The following ERC2 variants were observed in gnomAD, a reference collection of about 807,000 sequenced individuals.
The protein encoded by ERC2 is ELKS/RAB6-interacting/CAST family member 2.
Under a neutral mutation model 114.8 loss-of-function variants are expected in ERC2, and 42 were observed. The ratio of observed to expected loss-of-function variants is 0.37; its 90% CI spans 0.29 to 0.47. The LOEUF is 0.47. Among genes scored for constraint, ERC2 ranks in the 20% least tolerant of loss-of-function variants. The probability of loss-of-function intolerance (pLI) is 0.99; values close to 1 mark genes in which losing one functional copy is unlikely to be tolerated. For synonymous variants in ERC2, 454 were observed against 425.5 expected (o/e 1.07, Z -0.82); for missense variants, 939 against 1,150.7 (o/e 0.82, Z 2.66).
chr3:55,945,505 A>G (rs992107162), intron 13 of ERC2, among the ~76,000 whole-genome samples: 2 of 152,234 alleles, frequency 1.3e-5, no homozygotes, highest in African/African-American at 4.8e-5. Context: ...GAAACAACTT[A>G]GCAAACCTTG....
intron 2 of ERC2, among the ~76,000 whole-genome samples, chr3:56,331,936 C>T (rs1026156126): frequency 1.3e-5 from 2 of 152,162 alleles, no homozygotes; most frequent in African/African-American, 4.8e-5. Flanking sequence ...CTTCTAGCGA[C>T]TATACCACAA....
At chr3:56,076,226 T>C (rs2076969954) in intron 7 of ERC2, among the ~76,000 whole-genome samples, 1 of 152,144 alleles carries the variant, frequency 6.6e-6, no homozygotes, top group Non-Finnish European at 1.5e-5. Flanking sequence ...TCACATTGTT[T>C]ATGGGACTAA....
intron 17 of ERC2, among the ~76,000 whole-genome samples, chr3:55,512,493 G>A (rs1004797400): frequency 5.9e-5 from 9 of 152,134 alleles, no homozygotes; most frequent in Non-Finnish European, 1.3e-4. Flanking sequence ...ATTCTTTTGT[G>A]CATTAAGCAT....
chr3:55,906,717 G>T (rs1195267066), intron 13 of ERC2, among the ~76,000 whole-genome samples: 1 of 152,258 alleles, frequency 6.6e-6, no homozygotes, highest in Non-Finnish European at 1.5e-5. Flanking sequence ...GCCTGTAATC[G>T]GGAAAGGAAG....
intron 16 of ERC2, among the ~76,000 whole-genome samples, chr3:55,686,708 C>T (rs1559499583): frequency 6.6e-6 from 1 of 152,330 alleles, no homozygotes; most frequent in East Asian, 1.9e-4. Flanking sequence ...TTTTAAAATG[C>T]ATCTATCAGG....
intron 2 of ERC2, among the ~76,000 whole-genome samples, chr3:56,320,505 A>G (rs1217823931): frequency 6.6e-6 from 1 of 152,232 alleles, no homozygotes; most frequent in East Asian, 1.9e-4. Context: ...GCTAGTCTGT[A>G]GAAAACATGC....
At chr3:56,073,870 C>T (rs753426773) in intron 7 of ERC2, among the ~76,000 whole-genome samples, 2 of 152,120 alleles carry the variant, frequency 1.3e-5, no homozygotes, top group Non-Finnish European at 2.9e-5. Context: ...TAGAATGGTA[C>T]ATAAAGAGCT....
intron 3 of ERC2, among the ~76,000 whole-genome samples, chr3:56,254,843 T>A (rs2052409649): frequency 6.6e-6 from 1 of 152,172 alleles, no homozygotes; most frequent in Non-Finnish European, 1.5e-5. Flanking sequence ...ATAATATACA[T>A]AAAGAACATT....
chr3:56,210,297 G>A (rs2048981109), intron 3 of ERC2, among the ~76,000 whole-genome samples: 1 of 152,138 alleles, frequency 6.6e-6, no homozygotes, highest in Non-Finnish European at 1.5e-5. Flanking sequence ...TAATTGAAAA[G>A]AAGGGAACAG....
At chr3:56,130,623 A>T (rs571958754) in intron 6 of ERC2, among the ~76,000 whole-genome samples, 2 of 152,350 alleles carry the variant, frequency 1.3e-5, no homozygotes, top group South Asian at 2.1e-4. Context: ...TGATGCCTGT[A>T]GCTACCTGCA....
At chr3:55,645,707 C>G (rs1465891083) in intron 17 of ERC2, among the ~76,000 whole-genome samples, 1 of 152,118 alleles carries the variant, frequency 6.6e-6, no homozygotes, top group Non-Finnish European at 1.5e-5. Context: ...ACCGTTAAAA[C>G]GGGAAGGATG....
At chr3:56,271,355 C>T (rs1244200531) in intron 3 of ERC2, among the ~76,000 whole-genome samples, 1 of 152,188 alleles carries the variant, frequency 6.6e-6, no homozygotes, top group Non-Finnish European at 1.5e-5. Flanking sequence ...TATGCACAGT[C>T]CCTTGGGAAA....
chr3:55,691,210 G>T (rs897687258), intron 16 of ERC2, among the ~76,000 whole-genome samples: 2 of 151,926 alleles, frequency 1.3e-5, no homozygotes, highest in Non-Finnish European at 2.9e-5. Context: ...GAGGGATAAA[G>T]AAAAAAGAGA....
At chr3:56,089,230 C>A (rs1029503012) in intron 6 of ERC2, among the ~76,000 whole-genome samples, 32 of 152,232 alleles carry the variant, frequency 2.1e-4, no homozygotes, top group African/African-American at 7.5e-4. Flanking sequence ...CCTCAGTATT[C>A]TTTATATTTG....
intron 4 of ERC2, among the ~76,000 whole-genome samples, chr3:56,166,702 C>T (rs2082340992): frequency 6.6e-6 from 1 of 151,426 alleles, no homozygotes; most frequent in Admixed American, 6.6e-5. Flanking sequence ...TAATAAAATC[C>T]TCTCATATTT....
At chr3:56,105,825 T>C (rs1264607631) in intron 6 of ERC2, among the ~76,000 whole-genome samples, 1 of 152,086 alleles carries the variant, frequency 6.6e-6, no homozygotes, top group African/African-American at 2.4e-5. Context: ...CACAGGTTGG[T>C]TGAGGGGTGT....
In ERC2 at chr3:56,233,842, C is replaced by T. The variant is rs140661710; in HGVS notation, c.1075-60322G>A. ...AAAGCCAGCAATCACATCAATCTGACCTCTGTCTCTACCATCACATCTCCT... is the reference window on the plus strand; with the variant it reads ...AAAGCCAGCAATCACATCAATCTGATCTCTGTCTCTACCATCACATCTCCT... On this transcript the variant is annotated intron_variant, in intron 3 of 17. Coordinates refer to ENST00000288221, the MANE Select transcript of ERC2 (RefSeq NM_015576.3). 8.5e-4 allele frequency among the ~76,000 whole-genome samples: 130 copies of T among 152,262 alleles called. 1 individual carries two copies. The East Asian group carries it at 0.021, about 25-fold the overall frequency.
chr3:56,134,060 A>C (rs912966467), intron 6 of ERC2, among the ~76,000 whole-genome samples: 5 of 152,206 alleles, frequency 3.3e-5, no homozygotes, highest in Non-Finnish European at 5.9e-5. Context: ...GTGTGACCTC[A>C]AAGAGGATCA....
chr3:56,106,282 C>T (rs1278383387), intron 6 of ERC2, among the ~76,000 whole-genome samples: 1 of 152,152 alleles, frequency 6.6e-6, no homozygotes, highest in Non-Finnish European at 1.5e-5. Flanking sequence ...TCCAGAGATA[C>T]AATAGAATTA....
Sources: allele counts gnomAD v4.1 joint callset (sites outside exome capture counted in the v4.1 genomes callset), GRCh38; gene constraint gnomAD v4.1.1; transcripts MANE v1.5; gene names NCBI Gene and HGNC (gene_info 2026-07-23, HGNC 2026-07-21).